Variants in MICU1 observed in about 807,000 individuals in gnomAD.
The protein encoded by MICU1 is calcium uptake protein 1, mitochondrial.
Under a neutral mutation model 56.8 loss-of-function variants are expected in MICU1, and 45 were observed. The observed-to-expected ratio is 0.79, with a 90% CI of 0.62 to 1.02. The LOEUF (loss-of-function observed/expected upper bound fraction) is 1.02, where lower values mean the gene tolerates loss of function less well. Ranked by LOEUF, MICU1 falls within the 50% of genes least tolerant of loss-of-function variation. The probability of loss-of-function intolerance (pLI) is 0.00; values close to 1 mark genes in which losing one functional copy is unlikely to be tolerated. For missense variants in MICU1, 504 were observed against 587.1 expected, an observed-to-expected ratio of 0.86 and a Z score of 1.46; for synonymous variants, 186 against 195.1, an observed-to-expected ratio of 0.95 and a Z score of 0.39.
At chr10:72,435,993 T>G (rs904993948) in intron 8 of MICU1, among the ~76,000 whole-genome samples, 6 of 152,222 alleles carry the variant, frequency 3.9e-5, no homozygotes, top group African/African-American at 1.2e-4. Flanking sequence ...GACAACTTCT[T>G]CAGACTTAAA....
At chr10:72,494,031 C>T (rs1162332607) in intron 6 of MICU1, among the ~76,000 whole-genome samples, 1 of 152,106 alleles carries the variant, frequency 6.6e-6, no homozygotes, top group African/African-American at 2.4e-5. Context: ...AGGAAAATTG[C>T]CTCTTCAAAG....
At chr10:72,410,058 G>A (rs1174210696) in intron 9 of MICU1, among the ~76,000 whole-genome samples, 11 of 152,008 alleles carry the variant, frequency 7.2e-5, no homozygotes, top group East Asian at 1.9e-4. Flanking sequence ...TGTAAATAGC[G>A]TACTTACAAA....
At chr10:72,448,840 G>A (rs1031081856) in intron 8 of MICU1, among the ~76,000 whole-genome samples, 2 of 152,176 alleles carry the variant, frequency 1.3e-5, no homozygotes, top group African/African-American at 4.8e-5. Context: ...AACAGCCAGG[G>A]AGAAAATTTG....
intron 5 of MICU1, among the ~76,000 whole-genome samples, chr10:72,530,281 C>T (rs1013818031): frequency 2.7e-5 from 4 of 149,428 alleles, no homozygotes; most frequent in South Asian, 2.1e-4. Context: ...TGCAGTGGGC[C>T]GAGATCACGA....
chr10:72,593,398 A>C (rs909045110), intron 1 of MICU1, among the ~76,000 whole-genome samples: 1 of 151,980 alleles, frequency 6.6e-6, no homozygotes, highest in Non-Finnish European at 1.5e-5. Context: ...TCAGGAGTTC[A>C]AGACCAGCCT....
At chr10:72,561,671 G>T (rs548800564) in intron 3 of MICU1, among the ~76,000 whole-genome samples, 3 of 152,180 alleles carry the variant, frequency 2.0e-5, no homozygotes, top group Non-Finnish European at 4.4e-5. Flanking sequence ...AATTAGCGGG[G>T]CATGGTGGTG....
intron 8 of MICU1, among the ~76,000 whole-genome samples, chr10:72,452,161 C>G (rs917261700): frequency 6.6e-6 from 1 of 152,200 alleles, no homozygotes; most frequent in African/African-American, 2.4e-5. Flanking sequence ...AGCCACCGCA[C>G]CTGGCCAGTT....
chr10:72,530,877 A>C (rs1159893678), intron 5 of MICU1, among the ~76,000 whole-genome samples: 1 of 152,216 alleles, frequency 6.6e-6, no homozygotes, highest in Admixed American at 6.5e-5. Flanking sequence ...TAGCAAAACA[A>C]GAAATAACTA....
At chr10:72,600,306 AAAAG>A (rs1487520811) in intron 1 of MICU1, among the ~76,000 whole-genome samples, 4 of 149,980 alleles carry the variant, frequency 2.7e-5, no homozygotes, top group East Asian at 2.0e-4. Flanking sequence ...AAAAAAAAAA[AAAAG>A]ATCTACAATA....
At chr10:72,441,615 C>CTTTTTTTTTTTTTTTTTT (rs71018287) in intron 8 of MICU1, among the ~76,000 whole-genome samples, 1 of 105,474 alleles carries the variant, frequency 9.5e-6, no homozygotes, top group Non-Finnish European at 1.8e-5. Flanking sequence ...TTTAATTTTT[C>CTTTTTTTTTTTTTTTTTT]TTTTTTTTTT....
intron 4 of MICU1, among the ~76,000 whole-genome samples, chr10:72,535,324 C>T (rs1171950267): frequency 6.6e-6 from 1 of 152,192 alleles, no homozygotes; most frequent in African/African-American, 2.4e-5. Context: ...CAGGCATAAG[C>T]CACTGCATCC....
At chr10:72,513,534 A>G (rs774186123) in intron 5 of MICU1, among the ~76,000 whole-genome samples, 5 of 152,168 alleles carry the variant, frequency 3.3e-5, no homozygotes, top group Non-Finnish European at 5.9e-5. Flanking sequence ...ATAATGTCCT[A>G]TGAAGCAGAA....
chr10:72,448,049 T>C (rs893747665), intron 8 of MICU1, among the ~76,000 whole-genome samples: 2 of 151,354 alleles, frequency 1.3e-5, no homozygotes, highest in African/African-American at 4.9e-5. Context: ...ATTTTAATTC[T>C]CACCATTCAG....
intron 1 of MICU1, among the ~76,000 whole-genome samples, chr10:72,606,893 A>G (rs899378143): frequency 1.3e-5 from 2 of 152,174 alleles, no homozygotes; most frequent in Non-Finnish European, 2.9e-5. Flanking sequence ...TGCCTACATA[A>G]TGAAGTCTCC....
At chr10:72,585,994 A>ATTTTTTTTTTTTTTTTTTTTTTTTT (rs1276935862) in intron 1 of MICU1, among the ~76,000 whole-genome samples, 2 of 100,200 alleles carry the variant, frequency 2.0e-5, no homozygotes, top group Non-Finnish European at 2.1e-5. Flanking sequence ...TATTGTTTTT[A>ATTTTTTTTTTTTTTTTTTTTTTTTT]TTTTTTCTTT....
chr10:72,414,392 C>T (rs1021586461), intron 9 of MICU1, among the ~76,000 whole-genome samples: 2 of 152,048 alleles, frequency 1.3e-5, no homozygotes, highest in Admixed American at 1.3e-4. Flanking sequence ...TTAATATAAG[C>T]ATCTACATAA....
At chr10:72,416,223 A>C (rs900701439) in intron 9 of MICU1, among the ~76,000 whole-genome samples, 3 of 152,048 alleles carry the variant, frequency 2.0e-5, no homozygotes, top group Non-Finnish European at 4.4e-5. Flanking sequence ...ATAGAGGGAA[A>C]ACTCATAAAA....
chr10:72,516,213 T>C (rs1867640448), intron 5 of MICU1, among the ~76,000 whole-genome samples: 1 of 152,218 alleles, frequency 6.6e-6, no homozygotes, highest in Non-Finnish European at 1.5e-5. Flanking sequence ...TTTTCATATG[T>C]TTGTTGGCCA....
At chr10:72,502,146 GTT>G (rs1173541219) in intron 6 of MICU1, among the ~76,000 whole-genome samples, 2 of 88,374 alleles carry the variant, frequency 2.3e-5, no homozygotes, top group Non-Finnish European at 3.2e-5. Context: ...TTGTTTTGCT[GTT>G]TTTTTTTTTG....
Sources: gnomAD v4.1 joint callset for allele counts (sites outside exome capture counted in the v4.1 genomes callset) on GRCh38, gnomAD v4.1.1 for gene constraint, MANE v1.5 for transcripts, NCBI Gene and HGNC (gene_info 2026-07-23, HGNC 2026-07-21) for gene names.